The following CELF1 variants were observed in gnomAD, a reference collection of about 807,000 sequenced individuals.
CELF1 encodes the protein 50 kDa nuclear polyadenylated RNA-binding protein.
A neutral mutation model predicts 61.8 loss-of-function variants in CELF1; 10 were observed. The ratio of observed to expected loss-of-function variants is 0.16; its 90% CI spans 0.10 to 0.27. CELF1 has a LOEUF of 0.27. CELF1 is among the 10% of genes least tolerant of loss of function. CELF1 has a pLI of 1.00. For synonymous variants in CELF1, 236 were observed against 225.1 expected (o/e 1.05, Z -0.43); for missense variants, 380 against 639.1 (o/e 0.59, Z 4.37).
intron 14 of CELF1, 46 bp from the exon 15 acceptor site, chr11:47,472,403 G>A (rs1459001752): frequency 1.2e-6 from 2 of 1,600,404 alleles, no homozygotes; most frequent in Non-Finnish European, 1.7e-6. Flanking sequence ...AATGAGGCAA[G>A]GAGATTCTCA....
chr11:47,538,956 T>C (rs1405711198), intron 1 of CELF1, among the ~76,000 whole-genome samples: 1 of 152,184 alleles, frequency 6.6e-6, no homozygotes. Flanking sequence ...CCATTCACCA[T>C]TACCCTTTGT....
At chr11:47,483,418 T>G in intron 8 of CELF1, 35 bp downstream of exon 8, 1 of 1,557,604 alleles carries the variant, frequency 6.4e-7, no homozygotes, top group Non-Finnish European at 8.9e-7. Flanking sequence ...ATTCCCAAGC[T>G]GAGGAATTTT....
intron 1 of CELF1, among the ~76,000 whole-genome samples, chr11:47,520,156 C>G (rs1032725029): frequency 6.6e-6 from 1 of 151,918 alleles, no homozygotes; most frequent in Admixed American, 6.6e-5. Flanking sequence ...TCAGAAAATA[C>G]GACTTGCACT....
chr11:47,542,549 G>C (rs2096836420), intron 1 of CELF1, among the ~76,000 whole-genome samples: 1 of 147,588 alleles, frequency 6.8e-6, no homozygotes, highest in Non-Finnish European at 1.5e-5. Context: ...CCAGGCTGGA[G>C]TGTAGTGGCG....
chr11:47,526,735 G>A (rs2096256911), intron 1 of CELF1, among the ~76,000 whole-genome samples: 1 of 152,164 alleles, frequency 6.6e-6, no homozygotes, highest in Admixed American at 6.6e-5. Context: ...ATAACTATGA[G>A]ATCCTTGATT....
intron 3 of CELF1, among the ~76,000 whole-genome samples, chr11:47,495,689 G>C (rs2092956966): frequency 6.6e-6 from 1 of 152,122 alleles, no homozygotes; most frequent in Non-Finnish European, 1.5e-5. Flanking sequence ...GAGTCAGAAA[G>C]ATACACTTTC....
At chr11:47,547,511 C>G (rs1329648248) in intron 1 of CELF1, among the ~76,000 whole-genome samples, 1 of 151,912 alleles carries the variant, frequency 6.6e-6, no homozygotes, top group Non-Finnish European at 1.5e-5. Flanking sequence ...AACCCCATCT[C>G]TACTAAAAAT....
At chr11:47,558,392 A>G (rs186522307) in intron 2 of CELF1, among the ~76,000 whole-genome samples, 267 of 145,300 alleles carry the variant, frequency 1.8e-3, no homozygotes, top group Non-Finnish European at 3.5e-3. Flanking sequence ...GATCTAGTCA[A>G]TAGCCATCAA....
chr11:47,481,364 A>G (rs1180908914), intron 9 of CELF1, among the ~76,000 whole-genome samples: 2 of 152,014 alleles, frequency 1.3e-5, no homozygotes, highest in African/African-American at 4.8e-5. Flanking sequence ...TCCCAACCTC[A>G]GGCGATCCAC....
rs1650874497 is a variant in CELF1 at position 47,467,856 on chromosome 11, A to T, written c.*4374T>A. On this transcript the variant is annotated 3_prime_UTR_variant, in exon 15 of 15. Transcript: ENST00000687097. Reference sequence around the variant, plus strand: ...GAGAAAGTTGCCACTTCAAAATTAAACAATACAATCTTGAAAAAAATAATC... The same window carrying T: ...GAGAAAGTTGCCACTTCAAAATTAATCAATACAATCTTGAAAAAAATAATC... The T allele has an allele frequency of 6.6e-6, 1 of 152,192 alleles. No homozygotes were observed. The highest frequency in any genetic ancestry group is 2.4e-5 in the African/African-American group (1 of 41,440). The allele number at this position is 152,192 out of a possible 1,614,324, so 9.4% of individuals were successfully genotyped here. A position where few individuals can be genotyped will look rare whatever the true frequency, so the allele number is the denominator to read the frequency against.
rs749317063 is a variant in CELF1 at position 47,519,597 on chromosome 11, G to A, written c.-153-18665C>T. Among the ~76,000 whole-genome samples, 75 of 152,192 alleles carry A rather than the reference G, an allele frequency of 4.9e-4. 2 individuals are homozygous for A. Among genetic ancestry groups the A allele is most frequent in the Non-Finnish European group, 1.0e-4 (7 of 68,020 alleles). The stretch of plus-strand genomic sequence containing the variant: ...AAAGGTGCTTCTCGCCGGGCGTGGT[G>A]GCTCACGCCTATAATCCCAGCACTT... On this transcript the variant is annotated intron_variant, in intron 1 of 14. Transcript: ENST00000687097.
intron 1 of CELF1, among the ~76,000 whole-genome samples, chr11:47,534,905 G>A (rs1031597126): frequency 6.6e-6 from 1 of 152,020 alleles, no homozygotes; most frequent in African/African-American, 2.4e-5. Flanking sequence ...CATTCTGTTA[G>A]AAGATATCTT....
At chr11:47,514,722 CA>C (rs1279068803) in intron 1 of CELF1, 1 of 149,080 alleles carries the variant, frequency 6.7e-6, no homozygotes, top group Non-Finnish European at 1.5e-5. Flanking sequence ...ATCAGACAGG[CA>C]TGGCAGTGCA....
intron 1 of CELF1, among the ~76,000 whole-genome samples, chr11:47,520,985 C>CT (rs2095857036): frequency 6.6e-6 from 1 of 152,224 alleles, no homozygotes; most frequent in Non-Finnish European, 1.5e-5. Flanking sequence ...GGCGTGGTGG[C>CT]TCACGCCTGT....
At chr11:47,489,935 G>GTTTTTTTGTTTTTTTTTTTTTTTTT (rs2090255781) in intron 3 of CELF1, among the ~76,000 whole-genome samples, 1 of 48,224 alleles carries the variant, frequency 2.1e-5, no homozygotes, top group Non-Finnish European at 3.9e-5. Context: ...ATACCATCTT[G>GTTTTTTTGTTTTTTTTTTTTTTTTT]TTTTTTTTTT....
chr11:47,552,702 T>G (rs973517994), intron 1 of CELF1, among the ~76,000 whole-genome samples: 2 of 151,040 alleles, frequency 1.3e-5, no homozygotes, highest in Non-Finnish European at 3.0e-5. Context: ...GCCTAGAGAG[T>G]GAAGGTAAAG....
intron 4 of CELF1, among the ~76,000 whole-genome samples, chr11:47,488,402 G>A (rs1000242298): frequency 2.0e-5 from 3 of 152,174 alleles, no homozygotes; most frequent in African/African-American, 7.2e-5. Context: ...AAACCAATGG[G>A]TATGTGGACA....
chr11:47,482,155 T>C (rs1040253159), intron 9 of CELF1, among the ~76,000 whole-genome samples: 1 of 152,018 alleles, frequency 6.6e-6, no homozygotes, highest in African/African-American at 2.4e-5. Flanking sequence ...AAGCCAAGAT[T>C]GTGCCACTGC....
intron 5 of CELF1, 136 bp from the exon 6 acceptor site, chr11:47,486,934 G>A (rs1417388796): frequency 5.1e-6 from 4 of 778,262 alleles, no homozygotes; most frequent in Non-Finnish European, 8.5e-6. Context: ...TCTTTCCCCA[G>A]AAAACAGAAT....
Sources: gnomAD v4.1 joint callset for allele counts (sites outside exome capture counted in the v4.1 genomes callset) on GRCh38, gnomAD v4.1.1 for gene constraint, MANE v1.5 for transcripts, NCBI Gene and HGNC (gene_info 2026-07-23, HGNC 2026-07-21) for gene names.